SH2D4A: variants seen among roughly 807,000 people sequenced by gnomAD.
The protein encoded by SH2D4A is SH2 domain containing 4A, also known as SH2 domain-containing protein 4A.
SH2D4A carries 70 observed loss-of-function variants against 64.7 expected under a neutral mutation model. The observed-to-expected ratio is 1.08, with a 90% CI of 0.89 to 1.32. The LOEUF is 1.32. Among genes scored for constraint, SH2D4A ranks in the 40% most tolerant of loss-of-function variants. SH2D4A has a pLI of 0.00. For synonymous variants in SH2D4A, 268 were observed against 200.7 expected, an observed-to-expected ratio of 1.34 and a Z score of -2.83; for missense variants, 706 against 540.1, an observed-to-expected ratio of 1.31 and a Z score of -3.04.
chr8:19,343,999 G>A (rs571203122), intron 4 of SH2D4A, among the ~76,000 whole-genome samples: 4 of 152,282 alleles, frequency 2.6e-5, no homozygotes, highest in South Asian at 2.1e-4. Context: ...CTCATGTGTC[G>A]GGGAGGGAGA....
intron 2 of SH2D4A, among the ~76,000 whole-genome samples, chr8:19,325,557 A>G (rs2052264476): frequency 6.6e-6 from 1 of 152,128 alleles, no homozygotes; most frequent in Non-Finnish European, 1.5e-5. Context: ...TGCGTGGCGA[A>G]CATCTTTTTT....
intron 8 of SH2D4A, among the ~76,000 whole-genome samples, chr8:19,379,493 C>G (rs1053451566): frequency 6.6e-6 from 1 of 152,182 alleles, no homozygotes. Context: ...GTAGAAATAG[C>G]TCTTCCAGAC....
At chr8:19,324,986 C>T (rs1258213295) in intron 2 of SH2D4A, among the ~76,000 whole-genome samples, 5 of 152,122 alleles carry the variant, frequency 3.3e-5, no homozygotes, top group Non-Finnish European at 4.4e-5. Flanking sequence ...ACCTCTCACC[C>T]GAGTGTTGGT....
intron 1 of SH2D4A, among the ~76,000 whole-genome samples, chr8:19,314,721 G>A (rs1045511081): frequency 6.6e-6 from 1 of 152,188 alleles, no homozygotes; most frequent in African/African-American, 2.4e-5. Context: ...TTTTAAAATA[G>A]TGAATAAATA....
Position 19,334,693 on chromosome 8 carries a change from C to A in SH2D4A, c.349C>A (p.His117Asn). ...ACTTTTGCCTCTCTTCAGAAAAACT[C>A]ACTCTGAAGAATTCACCAATAGCTT... ...EQEAEEPRKT[H>N]SEEFTNSLKT... Residue 117 changes from histidine to asparagine, a missense_variant, in exon 4 of 10, where the codon CAC becomes AAC. Coordinates refer to ENST00000265807, the MANE Select transcript of SH2D4A (RefSeq NM_022071.4). 1.3e-6 allele frequency: 2 copies of A among 1,592,636 alleles called. No homozygotes were observed. Among genetic ancestry groups the A allele is most frequent in the Non-Finnish European group, 1.7e-6 (2 of 1,173,328 alleles).
At chr8:19,332,911 A>G (rs2117207423) in intron 2 of SH2D4A, 44 bp from the exon 3 acceptor site, 1 of 1,589,942 alleles carries the variant, frequency 6.3e-7, no homozygotes, top group Non-Finnish European at 8.6e-7. Context: ...GTGACTAAAG[A>G]TATTTGTTCA....
chr8:19,388,195 A>T (rs2053422954), intron 8 of SH2D4A, among the ~76,000 whole-genome samples: 1 of 152,220 alleles, frequency 6.6e-6, no homozygotes, highest in Admixed American at 6.5e-5. Flanking sequence ...GTTAAAAGCA[A>T]AACCCCAGAA....
intron 4 of SH2D4A, among the ~76,000 whole-genome samples, chr8:19,351,420 G>A (rs1022048515): frequency 2.6e-5 from 4 of 152,018 alleles, no homozygotes; most frequent in Admixed American, 1.3e-4. Context: ...TGGCTAACAC[G>A]GTGAAACCCC....
At chr8:19,344,711 C>T (rs1036694485) in intron 4 of SH2D4A, among the ~76,000 whole-genome samples, 6 of 152,140 alleles carry the variant, frequency 3.9e-5, no homozygotes, top group Non-Finnish European at 8.8e-5. Flanking sequence ...GCTGTCGGGT[C>T]AGTAGTATAG....
rs573228137 is a variant in SH2D4A, at chr8:19,360,295, GT to G, written c.595-893del. On this transcript the variant is annotated intron_variant, in intron 5 of 9. Transcript: ENST00000265807. ...AGATGCTTTTGAAAAATATTTTTCT[GT>G]TTTTTTTTTTTTTTGAAACAAAAAA... Among the ~76,000 whole-genome samples, 458 of 135,062 alleles carry G rather than the reference GT, an allele frequency of 3.4e-3. 2 individuals are homozygous for G. The highest frequency in any genetic ancestry group is 4.6e-3 in the African/African-American group (170 of 36,970). 88.6% of individuals were successfully genotyped at this position (135,062 alleles called of 152,430 possible).
At chr8:19,332,735 C>T (rs2052383152) in intron 2 of SH2D4A, among the ~76,000 whole-genome samples, 1 of 150,864 alleles carries the variant, frequency 6.6e-6, no homozygotes, top group South Asian at 2.1e-4. Context: ...AAACATACCC[C>T]TAATATTTTT....
In SH2D4A at chr8:19,373,527, C is replaced by A; in HGVS notation, c.918-3C>A. On this transcript the variant is annotated splice_region_variant and splice_polypyrimidine_tract_variant and intron_variant, in intron 7 of 9. Transcript: ENST00000265807. ...TAACTTGAAAAACTTTTATAAATAA[C>A]AGAAATCAGGGAGTGGTGAGGACAC... 3 of 1,568,560 alleles carry A rather than the reference C, an allele frequency of 1.9e-6. No homozygotes were observed. Among genetic ancestry groups the A allele is most frequent in the Non-Finnish European group, 1.7e-6 (2 of 1,158,126 alleles).
intron 8 of SH2D4A, among the ~76,000 whole-genome samples, chr8:19,389,186 C>T (rs2053441390): frequency 6.6e-6 from 1 of 152,184 alleles, no homozygotes; most frequent in Non-Finnish European, 1.5e-5. Flanking sequence ...TTGAACTGCC[C>T]TGTGGGGCAG....
chr8:19,350,812 A>G (rs17128256), intron 4 of SH2D4A, among the ~76,000 whole-genome samples: 14,461 of 152,130 alleles, frequency 0.095, 817 homozygotes, highest in African/African-American at 0.15. Flanking sequence ...GTGCCATAAA[A>G]TCTCACATCA....
chr8:19,361,172 T>C, intron 5 of SH2D4A, 31 bp from the exon 6 acceptor site: 2 of 1,353,088 alleles, frequency 1.5e-6, no homozygotes, highest in Non-Finnish European at 2.0e-6. Flanking sequence ...TTTGTTTTGT[T>C]TTTGTTTTTT....
intron 4 of SH2D4A, among the ~76,000 whole-genome samples, chr8:19,341,902 C>T (rs1292538949): frequency 5.3e-5 from 8 of 149,994 alleles, no homozygotes; most frequent in Non-Finnish European, 1.0e-4. Flanking sequence ...TAAAAAAATA[C>T]TCCAGACCTG....
At chr8:19,387,471 C>T (rs960066825) in intron 8 of SH2D4A, among the ~76,000 whole-genome samples, 1 of 152,244 alleles carries the variant, frequency 6.6e-6, no homozygotes, top group African/African-American at 2.4e-5. Flanking sequence ...AACTCCTGGT[C>T]TCAAGTGATC....
In SH2D4A at chr8:19,364,185, C is replaced by CA; in HGVS notation, c.823dup (p.Ser275LysfsTer32). On this transcript the variant is annotated frameshift_variant, in exon 7 of 10. Transcript: ENST00000265807. LOFTEE classifies it high-confidence loss of function. ...GAAAGGAAGAGGCGGTGAGAGGCTGCAAAGCCCCTTGCGTGTTCCGCAGAA... is the reference window on the plus strand; with the variant it reads ...GAAAGGAAGAGGCGGTGAGAGGCTGCAAAAGCCCCTTGCGTGTTCCGCAGAA... The CA allele has an allele frequency of 6.2e-7, 1 of 1,614,172 alleles. No individual in the cohort carries two copies. Among genetic ancestry groups the CA allele is most frequent in the Non-Finnish European group, 8.5e-7 (1 of 1,180,004 alleles).
At chr8:19,382,648 T>A (rs1359291374) in intron 8 of SH2D4A, among the ~76,000 whole-genome samples, 8 of 152,070 alleles carry the variant, frequency 5.3e-5, no homozygotes, top group Admixed American at 2.0e-4. Context: ...TATTCTCAAC[T>A]TATGCTGGGT....
Sources: gnomAD v4.1 joint callset for allele counts (sites outside exome capture counted in the v4.1 genomes callset) on GRCh38, gnomAD v4.1.1 for gene constraint, MANE v1.5 for transcripts, NCBI Gene and HGNC (gene_info 2026-07-23, HGNC 2026-07-21) for gene names.